The following PIEZO2 variants were observed in gnomAD, a reference collection of about 807,000 sequenced individuals.
PIEZO2 encodes piezo-type mechanosensitive ion channel component 2.
In PIEZO2, 172 loss-of-function variants were observed where a neutral mutation model predicts 337.3. The observed-to-expected ratio is 0.51, with a 90% CI of 0.45 to 0.58. The LOEUF is 0.58. Ranked by LOEUF, PIEZO2 falls within the 20% of genes least tolerant of loss-of-function variation. The pLI is 0.00. For synonymous variants in PIEZO2, 1,251 were observed against 1,228.5 expected, an observed-to-expected ratio of 1.02 and a Z score of -0.38; for missense variants, 3,028 against 3,391.3, an observed-to-expected ratio of 0.89 and a Z score of 2.66.
chr18:10,719,237 A>T (rs1365213153), intron 36 of PIEZO2, among the ~76,000 whole-genome samples: 1 of 152,156 alleles, frequency 6.6e-6, no homozygotes, highest in East Asian at 1.9e-4. Context: ...ATAAGTGCAG[A>T]TTCCTTACAA....
At chr18:11,019,234 T>C (rs985719299) in intron 2 of PIEZO2, among the ~76,000 whole-genome samples, 3 of 152,248 alleles carry the variant, frequency 2.0e-5, no homozygotes, top group African/African-American at 4.8e-5. Flanking sequence ...ACTTTTCATA[T>C]GGGAACCAGA....
At position 10,955,218 on chromosome 18, in the gene PIEZO2, C is replaced by G. The variant is rs567570665; in HGVS notation, c.286+24317G>C. ...AGTTTCTAAAACTCAAGCCAAATTACATTCATATCAAGATCAGCCTTAATC... is the reference window on the plus strand; with the variant it reads ...AGTTTCTAAAACTCAAGCCAAATTAGATTCATATCAAGATCAGCCTTAATC... On this transcript the variant is annotated intron_variant, in intron 3 of 55. Coordinates refer to ENST00000674853, the MANE Select transcript of PIEZO2 (RefSeq NM_001378183.1). 4.6e-5 allele frequency among the ~76,000 whole-genome samples: 7 copies of G among 152,270 alleles called. No homozygotes were observed. The South Asian group carries it at 1.2e-3, about 27-fold the overall frequency.
At chr18:10,917,344 T>C (rs1457832965) in intron 3 of PIEZO2, among the ~76,000 whole-genome samples, 8 of 152,156 alleles carry the variant, frequency 5.3e-5, no homozygotes, top group African/African-American at 1.9e-4. Context: ...TCCCTTAATA[T>C]AACACAAAAG....
intron 2 of PIEZO2, among the ~76,000 whole-genome samples, chr18:11,012,843 G>T (rs931962065): frequency 6.6e-6 from 1 of 152,120 alleles, no homozygotes; most frequent in African/African-American, 2.4e-5. Flanking sequence ...CCAGGAGTTC[G>T]AGGCCAGCCT....
At chr18:10,782,235 T>TA (rs2039015591) in intron 17 of PIEZO2, among the ~76,000 whole-genome samples, 2 of 128,580 alleles carry the variant, frequency 1.6e-5, no homozygotes, top group African/African-American at 5.9e-5. Flanking sequence ...ATATATATGA[T>TA]TATATATTAT....
At chr18:10,782,618 C>T (rs773560503) in intron 17 of PIEZO2, among the ~76,000 whole-genome samples, 1 of 149,136 alleles carries the variant, frequency 6.7e-6, no homozygotes, top group Non-Finnish European at 1.5e-5. Flanking sequence ...TCTTTCCTCA[C>T]CCTTTACATT....
At position 10,673,088 on chromosome 18, in the gene PIEZO2, C is replaced by G. The variant is rs1443921134; in HGVS notation, c.8162-215G>C. ...CCTTTTCAGTGAGAGAGGTCAGCCGCTGTTGCTACATGGGCATGGCAGCAA... is the reference window on the plus strand; with the variant it reads ...CCTTTTCAGTGAGAGAGGTCAGCCGGTGTTGCTACATGGGCATGGCAGCAA... On this transcript the variant is annotated intron_variant, in intron 54 of 55. Transcript: ENST00000674853. This position sits in a 1 kb window ranked among gnomAD's most constrained non-coding sequence, Gnocchi z 4.8. Among the ~76,000 whole-genome samples, 1 of 152,156 alleles carries G rather than the reference C, an allele frequency of 6.6e-6. No homozygotes were observed. The highest frequency in any genetic ancestry group is 1.5e-5 in the Non-Finnish European group (1 of 68,012).
At chr18:11,136,289 A>G (rs1333976693) in intron 1 of PIEZO2, among the ~76,000 whole-genome samples, 1 of 152,230 alleles carries the variant, frequency 6.6e-6, no homozygotes. Flanking sequence ...CATGCTTTGA[A>G]AGTTATTGCT....
At chr18:10,702,978 A>G (rs1279508219) in intron 42 of PIEZO2, among the ~76,000 whole-genome samples, 1 of 152,154 alleles carries the variant, frequency 6.6e-6, no homozygotes, top group Non-Finnish European at 1.5e-5. Flanking sequence ...CTGCCTCCCA[A>G]GTAGCTTGGA....
In PIEZO2 at chr18:10,704,533, T is replaced by C; in HGVS notation, c.6119A>G (p.Tyr2040Cys). The C allele has an allele frequency of 7.8e-6, 12 of 1,537,202 alleles. No homozygotes were observed. The highest frequency in any genetic ancestry group is 1.0e-5 in the Non-Finnish European group (12 of 1,146,922). ...TLVARSEMVC[Y>C]FVIILNHMVS... is the part of the protein sequence containing the mutation. Reference sequence around the variant, plus strand: ...CATGTGGTTGAGGATGATCACGAAGTAGCACACCATCTCCGAGCGGGCCAC... The same window carrying C: ...CATGTGGTTGAGGATGATCACGAAGCAGCACACCATCTCCGAGCGGGCCAC... The change falls in exon 42 of 56, where the codon TAC (tyrosine) becomes TGC (cysteine). Residue 2040 changes from tyrosine to cysteine, a missense_variant. Tyr to Cys is a radical substitution (Grantham distance 194, BLOSUM62 -2). Transcript: ENST00000674853.
chr18:10,846,042 A>G lies in PIEZO2; in HGVS notation c.917+9311T>C, dbSNP rs1178611330. Among the ~76,000 whole-genome samples, 1 of 152,150 alleles carries G rather than the reference A, an allele frequency of 6.6e-6. No individual in the cohort carries two copies. Among genetic ancestry groups the G allele is most frequent in the Non-Finnish European group, 1.5e-5 (1 of 68,018 alleles). On this transcript the variant is annotated intron_variant, in intron 7 of 55. Coordinates refer to ENST00000674853, the MANE Select transcript of PIEZO2 (RefSeq NM_001378183.1). The surrounding 1 kb of genome is among the most constrained non-coding windows in gnomAD (Gnocchi z 4.1). ...TGAAGATTGATGATGACCTTTCTGG[A>G]AAATAATTTCCCCACACATCTTATA...
rs201562429 is a variant in PIEZO2, at chr18:10,701,846, A to T, written c.6441+143T>A. 6,420 of 313,014 alleles carry T rather than the reference A, an allele frequency of 0.021. 217 individuals are homozygous for T. The highest frequency in any genetic ancestry group is 0.14 in the African/African-American group (4,307 of 30,488). The allele number at this position is 313,014 out of a possible 1,614,324, so 19.4% of individuals were successfully genotyped here. A position where few individuals can be genotyped will look rare whatever the true frequency, so the allele number is the denominator to read the frequency against. On this transcript the variant is annotated intron_variant, in intron 43 of 55. Transcript: ENST00000674853. ...TTCTTTTCTCTCTCTTTTTTTTTTT[A>T]AAAAAAACATATGAGTAGATACCAC...
Position 10,789,111 on chromosome 18 carries a change from C to A in PIEZO2, c.2137G>T (p.Val713Leu), listed in dbSNP as rs1372164065. 6.5e-7 allele frequency: 1 copy of A among 1,537,110 alleles called. No individual in the cohort carries two copies. The highest frequency in any genetic ancestry group is 8.7e-7 in the Non-Finnish European group (1 of 1,146,902). ...KIVMYKIIYM[V>L]LFLFCVALYQ... ...AGGGCCACACAGAACAGGAACAGCA[C>A]CATGTAGATGATTTTGTACATTACG... The change falls in exon 15 of 56, where the codon GTG (valine) becomes TTG (leucine). Residue 713 changes from valine (V) to leucine (L), a missense_variant. Transcript: ENST00000674853.
intron 2 of PIEZO2, among the ~76,000 whole-genome samples, chr18:11,055,027 C>A (rs1048052399): frequency 6.6e-6 from 1 of 151,942 alleles, no homozygotes; most frequent in Non-Finnish European, 1.5e-5. Context: ...CTGGCTAACA[C>A]GGTGAAACCC....
chr18:11,026,509 A>G (rs556920866), intron 2 of PIEZO2, among the ~76,000 whole-genome samples: 34 of 152,154 alleles, frequency 2.2e-4, no homozygotes, highest in Non-Finnish European at 4.7e-4. Context: ...CTTGTCTTAC[A>G]CTTTCTAGGA....
intron 1 of PIEZO2, among the ~76,000 whole-genome samples, chr18:11,079,361 T>A (rs1245813835): frequency 3.9e-5 from 6 of 152,184 alleles, no homozygotes; most frequent in Non-Finnish European, 5.9e-5. Context: ...TAAGTTAACC[T>A]CCACAAATAT....
At chr18:10,738,199 G>A (rs1289657581) in intron 33 of PIEZO2, 1 of 152,228 alleles carries the variant, frequency 6.6e-6, no homozygotes, top group Non-Finnish European at 1.5e-5. Context: ...GACCATTAAA[G>A]TAATGCCTTC....
At position 10,970,619 on chromosome 18, in the gene PIEZO2, A is replaced by G. The variant is rs1297038283; in HGVS notation, c.286+8916T>C. On this transcript the variant is annotated intron_variant, in intron 3 of 55. Transcript: ENST00000674853. ...TGGGAAATTATACATGGAAGATGTT[A>G]TCTACTGATTTAGAGCAAAACTTAG... Among the ~76,000 whole-genome samples, 5 of 151,854 alleles carry G rather than the reference A, an allele frequency of 3.3e-5. No homozygotes were observed. The East Asian group carries it at 9.7e-4, about 29-fold the overall frequency.
At chr18:10,883,494 C>T (rs912972343) in intron 4 of PIEZO2, among the ~76,000 whole-genome samples, 3 of 152,058 alleles carry the variant, frequency 2.0e-5, no homozygotes, top group African/African-American at 2.4e-5. Flanking sequence ...TATTACGTAG[C>T]TAGGCATACG....
Sources: gnomAD v4.1 joint callset for allele counts (sites outside exome capture counted in the v4.1 genomes callset) on GRCh38, gnomAD v4.1.1 for gene constraint, Gnocchi (gnomAD v3.1) non-coding constraint, MANE v1.5 for transcripts, NCBI Gene and HGNC (gene_info 2026-07-23, HGNC 2026-07-21) for gene names.